PPP1R12A: variants seen among roughly 807,000 people sequenced by gnomAD.
The protein encoded by PPP1R12A is protein phosphatase 1 regulatory subunit 12A.
Under a neutral mutation model 139.6 loss-of-function variants are expected in PPP1R12A, and 19 were observed. That is an observed-to-expected ratio of 0.14 (90% CI 0.09 to 0.20). PPP1R12A has a LOEUF of 0.20. Ranked by LOEUF, PPP1R12A falls within the 10% of genes least tolerant of loss-of-function variation. The pLI is 1.00. For missense variants in PPP1R12A, 925 were observed against 1,211.5 expected, an observed-to-expected ratio of 0.76 and a Z score of 3.51; for synonymous variants, 427 against 420.6, an observed-to-expected ratio of 1.02 and a Z score of -0.19.
intron 1 of PPP1R12A, among the ~76,000 whole-genome samples, chr12:79,909,942 C>G (rs568771018): frequency 6.6e-6 from 1 of 151,888 alleles, no homozygotes; most frequent in African/African-American, 2.4e-5. Flanking sequence ...TCCGGTGATC[C>G]GCCCGCCTTA....
chr12:79,796,662 A>T, intron 17 of PPP1R12A, 120 bp downstream of exon 17: 1 of 755,664 alleles, frequency 1.3e-6, no homozygotes, highest in Non-Finnish European at 2.0e-6. Context: ...CTTTCTGTTT[A>T]GGTTCGATGA....
At chr12:79,802,757 G>T (rs932849036) in intron 14 of PPP1R12A, among the ~76,000 whole-genome samples, 3 of 152,098 alleles carry the variant, frequency 2.0e-5, no homozygotes, top group African/African-American at 7.2e-5. Context: ...TACAGCCTGG[G>T]TGACAGAGAT....
chr12:79,800,988 C>T (rs1289512402), intron 14 of PPP1R12A, among the ~76,000 whole-genome samples: 2 of 151,726 alleles, frequency 1.3e-5, no homozygotes, highest in Admixed American at 6.6e-5. Flanking sequence ...CCACCTCAGC[C>T]TCCCAAAGTG....
rs1025614205 is a variant in PPP1R12A at position 79,821,130 on chromosome 12, T to G, written c.904A>C (p.Ile302Leu). The change falls in exon 7 of 25, where the codon ATT becomes CTT. Residue 302 changes from isoleucine (I) to leucine (L), a missense_variant. Transcript: ENST00000450142. ...SEKRDKKSPL[I>L]ESTANMDNNQ... is the part of the protein sequence containing the mutation. ...TTGTCCATATTTGCTGTTGATTCAA[T>G]TAGTGGAGATTTCTTGTCCCGTTTT... 6.2e-7 allele frequency: 1 copy of G among 1,613,314 alleles called. No individual in the cohort carries two copies. Among genetic ancestry groups the G allele is most frequent in the Non-Finnish European group, 8.5e-7 (1 of 1,179,446 alleles).
At chr12:79,906,346 T>C (rs1023465330) in intron 1 of PPP1R12A, among the ~76,000 whole-genome samples, 1 of 152,052 alleles carries the variant, frequency 6.6e-6, no homozygotes, top group African/African-American at 2.4e-5. Flanking sequence ...ACACAAAGTA[T>C]ATAAAAATAC....
At chr12:79,926,863 A>G (rs1281521863) in intron 1 of PPP1R12A, among the ~76,000 whole-genome samples, 1 of 152,156 alleles carries the variant, frequency 6.6e-6, no homozygotes, top group Non-Finnish European at 1.5e-5. Flanking sequence ...AAATATGTAC[A>G]TGTACGTATG....
intron 17 of PPP1R12A, among the ~76,000 whole-genome samples, chr12:79,796,571 T>TTA (rs1232912368): frequency 2.0e-5 from 3 of 152,282 alleles, no homozygotes; most frequent in African/African-American, 2.4e-5. Flanking sequence ...TGTGAAGTAT[T>TTA]AGGTTATAAA....
At chr12:79,817,371 C>T in intron 9 of PPP1R12A, 23 bp downstream of exon 9, 1 of 1,602,408 alleles carries the variant, frequency 6.2e-7, no homozygotes, top group Non-Finnish European at 8.5e-7. Flanking sequence ...CATGTATTTT[C>T]AGCAAATACA....
chr12:79,848,973 A>C (rs1392947640), intron 2 of PPP1R12A: 1 of 151,948 alleles, frequency 6.6e-6, no homozygotes, highest in Non-Finnish European at 1.5e-5. Flanking sequence ...AATACATTGT[A>C]GTTATATATT....
At position 79,934,763 on chromosome 12, in the gene PPP1R12A, G is replaced by A; in HGVS notation, c.169C>T (p.Leu57Phe). The change falls in exon 1 of 25, where the codon CTC becomes TTC. Residue 57 changes from leucine (L) to phenylalanine (F), a missense_variant. Around this residue, in one of 4 missense-constraint regions of PPP1R12A, gnomAD observed 199 missense variants for 352.4 expected, o/e 0.56. Transcript: ENST00000450142. ...ACSSGDTDEV[L>F]KLLHRGADIN... ...TCGGCGCCGCGGTGCAGCAGCTTGA[G>A]GACCTCGTCCGTGTCGCCGCTGGAG... 1 of 1,552,240 alleles carries A rather than the reference G, an allele frequency of 6.4e-7. No individual in the cohort carries two copies. Among genetic ancestry groups the A allele is most frequent in the East Asian group, 2.4e-5 (1 of 40,980 alleles).
At chr12:79,898,522 A>T (rs552975835) in intron 1 of PPP1R12A, among the ~76,000 whole-genome samples, 1 of 152,188 alleles carries the variant, frequency 6.6e-6, no homozygotes, top group Non-Finnish European at 1.5e-5. Flanking sequence ...GTCAACGGCT[A>T]TTATCTAAAG....
At chr12:79,921,505 G>A (rs1159256427) in intron 1 of PPP1R12A, among the ~76,000 whole-genome samples, 3 of 152,182 alleles carry the variant, frequency 2.0e-5, no homozygotes, top group African/African-American at 4.8e-5. Flanking sequence ...AACTTACAGA[G>A]CTTTCTCAGG....
At chr12:79,833,745 G>A (rs780271540) in intron 3 of PPP1R12A, among the ~76,000 whole-genome samples, 2 of 150,420 alleles carry the variant, frequency 1.3e-5, no homozygotes, top group Non-Finnish European at 3.0e-5. Flanking sequence ...GCTGAGTCAG[G>A]AGAACTACTT....
intron 14 of PPP1R12A, among the ~76,000 whole-genome samples, chr12:79,801,345 C>CAAAAAAAAAAAAAAAAAAAAAAAAAAAAA (rs201977462): frequency 5.0e-5 from 1 of 20,188 alleles, no homozygotes; most frequent in South Asian, 9.9e-4. Flanking sequence ...AACTCTGTCT[C>CAAAAAAAAAAAAAAAAAAAAAAAAAAAAA]AAAAAAAAAA....
chr12:79,866,435 C>G (rs1252915230), intron 2 of PPP1R12A, among the ~76,000 whole-genome samples: 1 of 152,120 alleles, frequency 6.6e-6, no homozygotes, highest in Non-Finnish European at 1.5e-5. Flanking sequence ...GACTAAAACA[C>G]CAAAAGCAAT....
rs1871687596 is a variant in PPP1R12A, at chr12:79,790,380, T to G, written c.2666+87A>C. ...TTATTATCAAATAATTCTATAAACT[T>G]ACAAAATCCATAAATTCCTAGCAAC... On this transcript the variant is annotated intron_variant, in intron 20 of 24. Coordinates refer to ENST00000450142, the MANE Select transcript of PPP1R12A (RefSeq NM_002480.3). The G allele has an allele frequency of 4.1e-6, 4 of 975,066 alleles. 1 individual carries two copies. The Admixed American group carries it at 9.6e-5, about 23-fold the overall frequency. The allele number at this position is 975,066 out of a possible 1,614,324, so 60.4% of individuals were successfully genotyped here. A position where few individuals can be genotyped will look rare whatever the true frequency, so the allele number is the denominator to read the frequency against.
At chr12:79,862,062 A>G (rs932528371) in intron 2 of PPP1R12A, among the ~76,000 whole-genome samples, 1 of 152,126 alleles carries the variant, frequency 6.6e-6, no homozygotes, top group Non-Finnish European at 1.5e-5. Context: ...CTCCCAGCAG[A>G]AGAAAACAGA....
chr12:79,798,604 A>G lies in PPP1R12A; in HGVS notation c.2001-20T>C. ...TATGATCTACAGTAGTAAATTGAAAAATCGTTAGTTGTAAATACAATACCT... is the reference window on the plus strand; with the variant it reads ...TATGATCTACAGTAGTAAATTGAAAGATCGTTAGTTGTAAATACAATACCT... On this transcript the variant is annotated intron_variant, in intron 14 of 24. Coordinates refer to ENST00000450142, the MANE Select transcript of PPP1R12A (RefSeq NM_002480.3). The G allele has an allele frequency of 7.0e-7, 1 of 1,419,616 alleles. No individual in the cohort carries two copies. 87.9% of individuals were successfully genotyped at this position (1,419,616 alleles called of 1,614,324 possible).
intron 4 of PPP1R12A, among the ~76,000 whole-genome samples, chr12:79,829,442 C>A (rs943119764): frequency 6.6e-6 from 1 of 152,024 alleles, no homozygotes; most frequent in Non-Finnish European, 1.5e-5. Flanking sequence ...TGTTTCTAAT[C>A]CTGCCTCCGT....
Sources: allele counts gnomAD v4.1 joint callset (sites outside exome capture counted in the v4.1 genomes callset), GRCh38; gene constraint gnomAD v4.1.1; regional missense constraint gnomAD v4.1.1; transcripts MANE v1.5; gene names NCBI Gene and HGNC (gene_info 2026-07-23, HGNC 2026-07-21).